Variants in KCNJ6 observed in about 807,000 individuals in gnomAD.
The protein encoded by KCNJ6 is potassium inwardly rectifying channel subfamily J member 6.
Under a neutral mutation model 34.2 loss-of-function variants are expected in KCNJ6, and 9 were observed. The ratio of observed to expected loss-of-function variants is 0.26; its 90% CI spans 0.16 to 0.46. KCNJ6 has a LOEUF of 0.46. Ranked by LOEUF, KCNJ6 falls within the 20% of genes least tolerant of loss-of-function variation. The pLI is 1.00. For synonymous variants in KCNJ6, 196 were observed against 207.1 expected, an observed-to-expected ratio of 0.95 and a Z score of 0.46; for missense variants, 236 against 531.3, an observed-to-expected ratio of 0.44 and a Z score of 5.46.
At chr21:37,754,977 C>A (rs2055016568) in intron 2 of KCNJ6, among the ~76,000 whole-genome samples, 1 of 152,148 alleles carries the variant, frequency 6.6e-6, no homozygotes, top group African/African-American at 2.4e-5. Context: ...GGTGGAGCTT[C>A]TCAATAGGTA....
chr21:37,657,660 G>A (rs1415390189), intron 3 of KCNJ6, among the ~76,000 whole-genome samples: 6 of 152,186 alleles, frequency 3.9e-5, no homozygotes, highest in Admixed American at 3.3e-4. Context: ...AACCAGAGGG[G>A]TGCCCCTCAC....
At chr21:37,794,592 TA>T (rs904647308) in intron 2 of KCNJ6, among the ~76,000 whole-genome samples, 2 of 152,150 alleles carry the variant, frequency 1.3e-5, no homozygotes, top group Non-Finnish European at 2.9e-5. Context: ...AATAACCTTT[TA>T]AAAAAATTCT....
chr21:37,875,662 T>C lies in KCNJ6; in HGVS notation c.-27-34953A>G, dbSNP rs112158113. Reference sequence around the variant, plus strand: ...TCAATACTTATGTGAAACTTAAAAGTAATTTTCTCTTTGAACCAGGCTCAG... The same window carrying C: ...TCAATACTTATGTGAAACTTAAAAGCAATTTTCTCTTTGAACCAGGCTCAG... On this transcript the variant is annotated intron_variant, in intron 1 of 3. Coordinates refer to ENST00000609713, the MANE Select transcript of KCNJ6 (RefSeq NM_002240.5). 2.4e-3 allele frequency among the ~76,000 whole-genome samples: 365 copies of C among 152,328 alleles called. 4 individuals carry two copies. The highest frequency in any genetic ancestry group is 8.4e-3 in the African/African-American group (350 of 41,562).
intron 1 of KCNJ6, among the ~76,000 whole-genome samples, chr21:37,853,145 T>TA (rs796751868): frequency 0.1 from 11,231 of 111,036 alleles, 508 homozygotes; most frequent in African/African-American, 0.14. Context: ...TTTTTCAAAT[T>TA]AAAAAAAAAA....
chr21:37,806,681 T>G (rs533699096), intron 2 of KCNJ6, among the ~76,000 whole-genome samples: 2 of 152,356 alleles, frequency 1.3e-5, no homozygotes, highest in South Asian at 4.1e-4. Flanking sequence ...TTCTAGTCAT[T>G]AACTATACAA....
intron 3 of KCNJ6, among the ~76,000 whole-genome samples, chr21:37,707,021 G>T (rs538221037): frequency 6.6e-6 from 1 of 152,240 alleles, no homozygotes; most frequent in Non-Finnish European, 1.5e-5. Flanking sequence ...ATGATGAGAC[G>T]TTACTATCTA....
In KCNJ6 at chr21:37,624,844, GT is replaced by G. The variant is rs762835958; in HGVS notation, c.*314del. The G allele has an allele frequency of 8.4e-6, 3 of 356,450 alleles. No individual in the cohort carries two copies. Among genetic ancestry groups the G allele is most frequent in the Non-Finnish European group, 1.5e-5 (3 of 195,422 alleles). The allele number at this position is 356,450 out of a possible 1,614,324, so 22.1% of individuals were successfully genotyped here. ...TTGACACACCTTTTTGAGTGATCTG[GT>G]ATTGTACAACACATGCAGGTAAGTA... is the stretch of plus-strand genomic sequence containing the variant. On this transcript the variant is annotated 3_prime_UTR_variant, in exon 4 of 4. Transcript: ENST00000609713.
At chr21:37,745,228 G>A (rs1245246420) in intron 2 of KCNJ6, among the ~76,000 whole-genome samples, 1 of 151,874 alleles carries the variant, frequency 6.6e-6, no homozygotes, top group Non-Finnish European at 1.5e-5. Context: ...CTGAGTAGCT[G>A]GGACCACAGG....
intron 2 of KCNJ6, among the ~76,000 whole-genome samples, chr21:37,833,588 T>C (rs1322204051): frequency 6.6e-6 from 1 of 151,824 alleles, no homozygotes; most frequent in African/African-American, 2.4e-5. Flanking sequence ...CCTCCGAGAC[T>C]GTGGGGGTCC....
At chr21:37,893,313 T>G (rs531233392) in intron 1 of KCNJ6, among the ~76,000 whole-genome samples, 7 of 152,230 alleles carry the variant, frequency 4.6e-5, no homozygotes, top group African/African-American at 1.7e-4. Flanking sequence ...GTCCAAGCAA[T>G]TCTCCTGCCT....
At chr21:37,803,329 C>G (rs1455577321) in intron 2 of KCNJ6, among the ~76,000 whole-genome samples, 3 of 152,078 alleles carry the variant, frequency 2.0e-5, no homozygotes, top group African/African-American at 4.8e-5. Context: ...TCTATGACCT[C>G]AAATCCACAC....
At chr21:37,742,993 T>C (rs934869001) in intron 2 of KCNJ6, among the ~76,000 whole-genome samples, 16 of 152,232 alleles carry the variant, frequency 1.1e-4, no homozygotes, top group African/African-American at 3.4e-4. Context: ...TCAGCCCCCA[T>C]AGACTAGCGA....
chr21:37,838,446 T>C (rs2055462840), intron 2 of KCNJ6, among the ~76,000 whole-genome samples: 1 of 152,218 alleles, frequency 6.6e-6, no homozygotes, highest in Non-Finnish European at 1.5e-5. Context: ...GTTAGCATCA[T>C]AACTTATGTG....
intron 1 of KCNJ6, among the ~76,000 whole-genome samples, chr21:37,864,112 TA>T (rs2055609889): frequency 9.3e-6 from 1 of 107,328 alleles, no homozygotes; most frequent in African/African-American, 3.3e-5. Flanking sequence ...TCCAATTCTC[TA>T]TTTTTTTTTT....
At chr21:37,853,920 A>G (rs996548970) in intron 1 of KCNJ6, among the ~76,000 whole-genome samples, 43 of 149,412 alleles carry the variant, frequency 2.9e-4, no homozygotes, top group Non-Finnish European at 3.9e-4. Flanking sequence ...CAGCCACTGA[A>G]AAAGCTAAAC....
chr21:37,901,394 T>C (rs1370780240), intron 1 of KCNJ6, among the ~76,000 whole-genome samples: 1 of 152 alleles, frequency 6.6e-3, no homozygotes, highest in East Asian at 0.12. Context: ...AGGGTGAATC[T>C]GAAAAGTGCC....
At chr21:37,915,019 C>T (rs530126416) in intron 1 of KCNJ6, among the ~76,000 whole-genome samples, 1 of 151,196 alleles carries the variant, frequency 6.6e-6, no homozygotes, top group East Asian at 1.9e-4. Flanking sequence ...GTGGCTGTTT[C>T]TATTAAGATA....
chr21:37,710,205 A>G (rs1432180505), intron 3 of KCNJ6, among the ~76,000 whole-genome samples: 1 of 152,240 alleles, frequency 6.6e-6, no homozygotes, highest in Non-Finnish European at 1.5e-5. Flanking sequence ...GTAAGAGACG[A>G]TTGGAAGTTT....
At chr21:37,796,779 C>CTTTTTTTTTTTTTTTT (rs1172378200) in intron 2 of KCNJ6, among the ~76,000 whole-genome samples, 2 of 71,490 alleles carry the variant, frequency 2.8e-5, no homozygotes, top group African/African-American at 6.3e-5. Context: ...TTCTTTCTTT[C>CTTTTTTTTTTTTTTTT]TTTTTTTTTT....
Sources: gnomAD v4.1 joint callset for allele counts (sites outside exome capture counted in the v4.1 genomes callset) on GRCh38, gnomAD v4.1.1 for gene constraint, MANE v1.5 for transcripts, NCBI Gene and HGNC (gene_info 2026-07-23, HGNC 2026-07-21) for gene names.